NTSR1: variants seen among roughly 807,000 people sequenced by gnomAD.
NTSR1 encodes the protein neurotensin receptor 1.
Under a neutral mutation model 31.2 loss-of-function variants are expected in NTSR1, and 29 were observed. The observed-to-expected ratio is 0.93, with a 90% confidence interval of 0.69 to 1.27. The LOEUF (loss-of-function observed/expected upper bound fraction) is 1.27, where lower values mean the gene tolerates loss of function less well. NTSR1 is among the 50% of genes most tolerant of loss of function. NTSR1 has a pLI of 0.00. For missense variants in NTSR1, 697 were observed against 595.4 expected (o/e 1.17, Z -1.78); for synonymous variants, 282 against 269.9 (o/e 1.04, Z -0.44).
In NTSR1 at chr20:62,742,204, G is replaced by A. The variant is rs910822321; in HGVS notation, c.715-12481G>A. On this transcript the variant is annotated intron_variant, in intron 1 of 3. Transcript: ENST00000370501. The surrounding 1 kb of genome is among the most constrained non-coding windows in gnomAD (Gnocchi z 7.1). ...TCCCCACAGTGGTCCCACAGACACC[G>A]AGGTGGCTGACATGGCCCCTCCAGG... is the stretch of plus-strand genomic sequence containing the variant. Among the ~76,000 whole-genome samples the A allele has an allele frequency of 1.3e-5, 2 of 149,444 alleles. No individual in the cohort carries two copies. The highest frequency in any genetic ancestry group is 2.9e-5 in the Non-Finnish European group (2 of 68,020).
At chr20:62,754,407 G>A (rs1253833074) in intron 1 of NTSR1, among the ~76,000 whole-genome samples, 1 of 152,184 alleles carries the variant, frequency 6.6e-6, no homozygotes, top group Non-Finnish European at 1.5e-5. Context: ...GTGTACAGGC[G>A]GGACCCTCGG....
chr20:62,757,370 AAG>A (rs1989529105), intron 2 of NTSR1, among the ~76,000 whole-genome samples: 1 of 152,212 alleles, frequency 6.6e-6, no homozygotes, highest in Non-Finnish European at 1.5e-5. Context: ...CTTGACCATA[AAG>A]GTAAGGGTTC....
rs150734316 is a variant in NTSR1 at position 62,751,459 on chromosome 20, C to T, written c.715-3226C>T. On this transcript the variant is annotated intron_variant, in intron 1 of 3. Transcript: ENST00000370501. ...AAAGTCCAAGAATAATAGCTGCAGGCGCAGCTTGACCCAGGAGCACAAACA... is the reference window on the plus strand; with the variant it reads ...AAAGTCCAAGAATAATAGCTGCAGGTGCAGCTTGACCCAGGAGCACAAACA... Among the ~76,000 whole-genome samples, 534 of 152,344 alleles carry T rather than the reference C, an allele frequency of 3.5e-3. 2 individuals carry two copies. Among genetic ancestry groups the T allele is most frequent in the Non-Finnish European group, 6.5e-3 (440 of 68,032 alleles).
chr20:62,750,229 T>C (rs1004245672), intron 1 of NTSR1, among the ~76,000 whole-genome samples: 1 of 151,872 alleles, frequency 6.6e-6, no homozygotes, highest in African/African-American at 2.4e-5. Flanking sequence ...ATCTCGCTTA[T>C]GTGTGGAATC....
At chr20:62,723,845 C>G (rs1490764504) in intron 1 of NTSR1, among the ~76,000 whole-genome samples, 1 of 152,224 alleles carries the variant, frequency 6.6e-6, no homozygotes, top group Non-Finnish European at 1.5e-5. Flanking sequence ...GCCAGCGAAA[C>G]ACTGGGGTTG....
At chr20:62,752,288 G>C (rs952971207) in intron 1 of NTSR1, among the ~76,000 whole-genome samples, 1 of 152,238 alleles carries the variant, frequency 6.6e-6, no homozygotes, top group African/African-American at 2.4e-5. Flanking sequence ...GTGGAGGTGG[G>C]GGGCAGCTCC....
intron 1 of NTSR1, among the ~76,000 whole-genome samples, chr20:62,712,361 G>A (rs1218447679): frequency 1.3e-5 from 2 of 152,232 alleles, no homozygotes; most frequent in Non-Finnish European, 2.9e-5. Context: ...TGGGGCAGTG[G>A]CCAATCAAAT....
chr20:62,754,603 C>A (rs1253590422), intron 1 of NTSR1, 82 bp from the exon 2 acceptor site: 3 of 1,148,408 alleles, frequency 2.6e-6, no homozygotes, highest in South Asian at 2.5e-5. Flanking sequence ...CCTGACACCC[C>A]AATCAGCACG....
intron 1 of NTSR1, among the ~76,000 whole-genome samples, chr20:62,736,444 G>C (rs922110494): frequency 1.7e-4 from 26 of 152,240 alleles, no homozygotes; most frequent in African/African-American, 2.4e-4. Flanking sequence ...TTTAGACGCA[G>C]AATCTCCTCT....
At chr20:62,728,638 C>T (rs1312239194) in intron 1 of NTSR1, among the ~76,000 whole-genome samples, 1 of 152,180 alleles carries the variant, frequency 6.6e-6, no homozygotes, top group African/African-American at 2.4e-5. Context: ...GCTGTGTGCA[C>T]AGCTGGGCTT....
At chr20:62,718,104 G>A (rs1988765724) in intron 1 of NTSR1, among the ~76,000 whole-genome samples, 1 of 152,160 alleles carries the variant, frequency 6.6e-6, no homozygotes, top group African/African-American at 2.4e-5. Context: ...CGGGGTGGCC[G>A]GAGCGGAGGG....
intron 1 of NTSR1, among the ~76,000 whole-genome samples, chr20:62,746,162 C>T (rs987979232): frequency 6.6e-6 from 1 of 152,178 alleles, no homozygotes; most frequent in Non-Finnish European, 1.5e-5. Context: ...CACCAGGCCC[C>T]CACACTACCC....
rs557638164 is a variant in NTSR1, at chr20:62,744,423, C to T, written c.715-10262C>T. Among the ~76,000 whole-genome samples the T allele has an allele frequency of 5.8e-4, 88 of 152,168 alleles. No homozygotes were observed. The highest frequency in any genetic ancestry group is 2.0e-3 in the African/African-American group (84 of 41,498). On this transcript the variant is annotated intron_variant, in intron 1 of 3. Coordinates refer to ENST00000370501, the MANE Select transcript of NTSR1 (RefSeq NM_002531.3). This position sits in a 1 kb window ranked among gnomAD's most constrained non-coding sequence, Gnocchi z 4.1. ...CAAAAAAATTAGCCAGGCATGGCGGCGTGCACCTGTAGTCCCAGCTACTGG... is the reference window on the plus strand; with the variant it reads ...CAAAAAAATTAGCCAGGCATGGCGGTGTGCACCTGTAGTCCCAGCTACTGG...
Position 62,754,840 on chromosome 20 carries a change from C to T in NTSR1, c.870C>T (p.Ile290=), listed in dbSNP as rs968305363. The T allele has an allele frequency of 1.4e-5, 23 of 1,607,576 alleles. No homozygotes were observed. Among genetic ancestry groups the T allele is most frequent in the Non-Finnish European group, 1.8e-5 (21 of 1,179,556 alleles). Residue 290 remains isoleucine (I), a synonymous_variant, in exon 2 of 4, where the codon ATC becomes ATT. Transcript: ENST00000370501. ...GGEHSTFSMA[I]EPGRVQALRH... is the part of the protein sequence containing the mutation. ...AGCACAGCACATTCAGCATGGCCATCGAGCCTGGCAGGGTCCAGGCCCTGC... is the reference window on the plus strand; with the variant it reads ...AGCACAGCACATTCAGCATGGCCATTGAGCCTGGCAGGGTCCAGGCCCTGC...
At position 62,709,884 on chromosome 20, in the gene NTSR1, C is replaced by A; in HGVS notation, c.677C>A (p.Pro226His). The A allele has an allele frequency of 1.2e-6, 2 of 1,601,990 alleles. No homozygotes were observed. The highest frequency in any genetic ancestry group is 2.2e-5 in the East Asian group (1 of 44,540). Residue 226 changes from proline (P) to histidine (H), a missense_variant, in exon 1 of 4, where the codon CCC (proline) becomes CAC (histidine). Coordinates refer to ENST00000370501, the MANE Select transcript of NTSR1 (RefSeq NM_002531.3). ...GQHAGGLVCT[P>H]TIHTATVKVV... ...CACGCCGGCGGCCTGGTGTGCACCC[C>A]CACCATCCACACTGCCACCGTCAAG...
At chr20:62,734,137 G>A (rs942852773) in intron 1 of NTSR1, among the ~76,000 whole-genome samples, 12 of 152,148 alleles carry the variant, frequency 7.9e-5, no homozygotes, top group African/African-American at 2.2e-4. Flanking sequence ...TGTCCCCTGC[G>A]CAGCCTCCTT....
At chr20:62,724,766 C>T (rs928250548) in intron 1 of NTSR1, among the ~76,000 whole-genome samples, 1 of 152,230 alleles carries the variant, frequency 6.6e-6, no homozygotes, top group Non-Finnish European at 1.5e-5. Flanking sequence ...CAGGCCCACA[C>T]TCCGCGGAGG....
chr20:62,738,164 G>A (rs1316627865), intron 1 of NTSR1, among the ~76,000 whole-genome samples: 6 of 146,294 alleles, frequency 4.1e-5, no homozygotes, highest in Non-Finnish European at 7.4e-5. Context: ...GGCACGCAGT[G>A]CACGCAGAGG....
At chr20:62,730,419 T>C (rs1988983318) in intron 1 of NTSR1, among the ~76,000 whole-genome samples, 1 of 152,252 alleles carries the variant, frequency 6.6e-6, no homozygotes, top group South Asian at 2.1e-4. Flanking sequence ...TGTCTTTTCA[T>C]GGCTTGATAG....
Sources: allele counts gnomAD v4.1 joint callset (sites outside exome capture counted in the v4.1 genomes callset), GRCh38; gene constraint gnomAD v4.1.1; non-coding constraint Gnocchi (gnomAD v3.1); transcripts MANE v1.5; gene names NCBI Gene and HGNC (gene_info 2026-07-23, HGNC 2026-07-21).